The following RANBP9 variants were observed in gnomAD, a reference collection of about 807,000 sequenced individuals.
The protein encoded by RANBP9 is ran-binding protein 9.
RANBP9 carries 15 observed loss-of-function variants against 84.3 expected under a neutral mutation model. That is an observed-to-expected ratio of 0.18 (90% CI 0.12 to 0.27). RANBP9 has a LOEUF of 0.27. Ranked by LOEUF, RANBP9 falls within the 10% of genes least tolerant of loss-of-function variation. The pLI is 1.00. For synonymous variants in RANBP9, 392 were observed against 349.6 expected (o/e 1.12, Z -1.35); for missense variants, 809 against 912.8 (o/e 0.89, Z 1.46).
At chr6:13,709,262 C>T (rs1452015670) in intron 1 of RANBP9, among the ~76,000 whole-genome samples, 1 of 152,188 alleles carries the variant, frequency 6.6e-6, no homozygotes, top group Non-Finnish European at 1.5e-5. Context: ...AATTTCCTTA[C>T]CAATCGTCCA....
At chr6:13,629,120 TGTTTTTTTGAGACAG>T in intron 12 of RANBP9, among the ~76,000 whole-genome samples, 1 of 152,292 alleles carries the variant, frequency 6.6e-6, no homozygotes, top group Non-Finnish European at 1.5e-5. Flanking sequence ...TGAGCCTTTT[TGTTTTTTTGAGACAG>T]GGTCTTGCTA....
At chr6:13,652,395 A>C (rs1234769552) in intron 5 of RANBP9, among the ~76,000 whole-genome samples, 1 of 152,226 alleles carries the variant, frequency 6.6e-6, no homozygotes, top group Non-Finnish European at 1.5e-5. Flanking sequence ...ATTTCAAATG[A>C]ATGAATGGTG....
chr6:13,701,749 G>A (rs1757977747), intron 1 of RANBP9, among the ~76,000 whole-genome samples: 1 of 149,958 alleles, frequency 6.7e-6, no homozygotes, highest in Non-Finnish European at 1.5e-5. Context: ...CAGCCTGGGC[G>A]ACAAGAGCAA....
intron 10 of RANBP9, among the ~76,000 whole-genome samples, chr6:13,634,981 ATC>A (rs1764900283): frequency 6.6e-6 from 1 of 152,018 alleles, no homozygotes; most frequent in African/African-American, 2.4e-5. Context: ...AAACAAATAC[ATC>A]TCACTCCTGG....
At chr6:13,628,643 T>C (rs971138472) in intron 12 of RANBP9, among the ~76,000 whole-genome samples, 5 of 152,226 alleles carry the variant, frequency 3.3e-5, no homozygotes, top group Admixed American at 3.3e-4. Flanking sequence ...AAATGGTTTA[T>C]ACCATCAAAC....
At position 13,675,911 on chromosome 6, in the gene RANBP9, G is replaced by C. The variant is rs909272495; in HGVS notation, c.684-17079C>G. On this transcript the variant is annotated intron_variant, in intron 2 of 13. Coordinates refer to ENST00000011619, the MANE Select transcript of RANBP9 (RefSeq NM_005493.3). ...GAAATGGATTTCAAGGCAATTCCCT[G>C]AAAGATATAATTTATCAAAACACAC... Among the ~76,000 whole-genome samples, 4 of 151,862 alleles carry C rather than the reference G, an allele frequency of 2.6e-5. No individual in the cohort carries two copies. The East Asian group carries it at 5.8e-4, about 22-fold the overall frequency.
chr6:13,702,084 C>T (rs1032803599), intron 1 of RANBP9, among the ~76,000 whole-genome samples: 3 of 152,208 alleles, frequency 2.0e-5, no homozygotes, highest in Non-Finnish European at 4.4e-5. Context: ...TCTATGCCTC[C>T]GTGCTACATA....
At chr6:13,630,292 G>A (rs928793267) in intron 12 of RANBP9, among the ~76,000 whole-genome samples, 5 of 152,138 alleles carry the variant, frequency 3.3e-5, no homozygotes, top group Admixed American at 1.3e-4. Context: ...TTTAAATAAA[G>A]ATGATACATC....
intron 4 of RANBP9, 117 bp downstream of exon 4, chr6:13,656,992 C>A: frequency 1.0e-6 from 1 of 965,752 alleles, no homozygotes; most frequent in South Asian, 2.0e-5. Context: ...AAGAAAGAAA[C>A]CATTTCCAGA....
At position 13,711,191 on chromosome 6, in the gene RANBP9, G is replaced by A; in HGVS notation, c.315C>T (p.Pro105=). 4 of 1,255,306 alleles carry A rather than the reference G, an allele frequency of 3.2e-6. No individual in the cohort carries two copies. Among genetic ancestry groups the A allele is most frequent in the Non-Finnish European group, 4.0e-6 (4 of 1,001,046 alleles). 77.8% of individuals were successfully genotyped at this position (1,255,306 alleles called of 1,614,324 possible). The change falls in exon 1 of 14, where the codon CCC becomes CCT. Residue 105 remains proline (P), a synonymous_variant. Coordinates refer to ENST00000011619, the MANE Select transcript of RANBP9 (RefSeq NM_005493.3). ...AAAPASGPPA[P]PGLAAGPGPA... ...GGCCGGGGCCCGCTGCAAGGCCCGG[G>A]GGAGCGGGCGGCCCGCTGGCGGGGG...
chr6:13,639,388 C>T (rs1765011165), intron 9 of RANBP9, among the ~76,000 whole-genome samples, 175 bp downstream of exon 9: 1 of 152,238 alleles, frequency 6.6e-6, no homozygotes, highest in Middle Eastern at 3.4e-3. Flanking sequence ...CCATGTTGGC[C>T]AGGCTGGTCT....
rs139966444 is a variant in RANBP9 at position 13,691,065 on chromosome 6, G to A, written c.683+5720C>T. On this transcript the variant is annotated intron_variant, in intron 2 of 13. Coordinates refer to ENST00000011619, the MANE Select transcript of RANBP9 (RefSeq NM_005493.3). ...ACCTGTAATCCCAGCTACTAGGACA[G>A]ACTAAGACAAGAGAATTCCTTGAAC... 3.9e-3 allele frequency among the ~76,000 whole-genome samples: 584 copies of A among 150,622 alleles called. 7 individuals are homozygous for A. The highest frequency in any genetic ancestry group is 0.012 in the African/African-American group (503 of 40,944).
chr6:13,706,814 C>CA (rs2113372887), intron 1 of RANBP9, among the ~76,000 whole-genome samples: 1 of 152,012 alleles, frequency 6.6e-6, no homozygotes, highest in Admixed American at 6.5e-5. Context: ...CCAGCCTGGC[C>CA]AACATGGTGA....
chr6:13,644,502 A>G (rs1238831052), intron 6 of RANBP9, 43 bp downstream of exon 6: 1 of 1,565,582 alleles, frequency 6.4e-7, no homozygotes, highest in Non-Finnish European at 8.7e-7. Flanking sequence ...TCTTATAAAA[A>G]ACAGATTCTG....
intron 7 of RANBP9, among the ~76,000 whole-genome samples, chr6:13,641,619 T>C (rs569875045): frequency 5.3e-4 from 80 of 152,270 alleles, no homozygotes; most frequent in Non-Finnish European, 9.1e-4. Flanking sequence ...TTTAAAGGGA[T>C]ACTAAAATGC....
chr6:13,706,210 G>A (rs1371563447), intron 1 of RANBP9, among the ~76,000 whole-genome samples: 2 of 152,112 alleles, frequency 1.3e-5, no homozygotes, highest in Non-Finnish European at 2.9e-5. Flanking sequence ...CGGGCGTCGC[G>A]GCGGGCACCT....
intron 2 of RANBP9, among the ~76,000 whole-genome samples, chr6:13,681,028 T>A (rs1766022944): frequency 1.3e-5 from 2 of 152,168 alleles, no homozygotes; most frequent in South Asian, 2.1e-4. Context: ...GTATAGTGTA[T>A]GCAAATGTTA....
intron 1 of RANBP9, among the ~76,000 whole-genome samples, chr6:13,703,660 AG>A (rs1304125934): frequency 1.3e-5 from 2 of 152,248 alleles, no homozygotes; most frequent in Non-Finnish European, 2.9e-5. Flanking sequence ...TAAGTCTCTC[AG>A]GAATTTGACA....
intron 1 of RANBP9, among the ~76,000 whole-genome samples, chr6:13,706,437 G>A (rs1441957300): frequency 6.6e-6 from 1 of 152,236 alleles, no homozygotes; most frequent in Non-Finnish European, 1.5e-5. Context: ...GCTCACGCCT[G>A]TAATCCCAGC....
Sources: gnomAD v4.1 joint callset for allele counts (sites outside exome capture counted in the v4.1 genomes callset) on GRCh38, gnomAD v4.1.1 for gene constraint, MANE v1.5 for transcripts, NCBI Gene and HGNC (gene_info 2026-07-23, HGNC 2026-07-21) for gene names.